ZNHIT3: variants seen among roughly 807,000 people sequenced by gnomAD.
The protein encoded by ZNHIT3 is zinc finger HIT-type containing 3, also known as zinc finger HIT domain-containing protein 3.
In ZNHIT3, 27 loss-of-function variants were observed where a neutral mutation model predicts 19.9. The observed-to-expected ratio is 1.36, with a 90% CI of 1.00 to 1.87. The LOEUF (loss-of-function observed/expected upper bound fraction) is 1.87. Among genes scored for constraint, ZNHIT3 ranks in the 40% most tolerant of loss-of-function variants. The probability of loss-of-function intolerance (pLI) is 0.00; values close to 1 mark genes in which losing one functional copy is unlikely to be tolerated. For synonymous variants in ZNHIT3, 81 were observed against 65.7 expected, an observed-to-expected ratio of 1.23 and a Z score of -1.13; for missense variants, 215 against 185.6, an observed-to-expected ratio of 1.16 and a Z score of -0.92.
In ZNHIT3 at chr17:36,495,275, G is replaced by A. The variant is rs1297354538; in HGVS notation, c.339G>A (p.Leu113=). ...TGCTCAATCCACACCTCAGGCAGTTGATGGTCAACCTCGATCAGGGAGAAG... is the reference window on the plus strand; with the variant it reads ...TGCTCAATCCACACCTCAGGCAGTTAATGGTCAACCTCGATCAGGGAGAAG... The part of the protein sequence containing the change: ...SLLLNPHLRQ[L]MVNLDQGEDK... The change falls in exon 5 of 5, where the codon TTG becomes TTA. Residue 113 remains leucine (L), a synonymous_variant. Transcript: ENST00000617429. The A allele has an allele frequency of 1.2e-6, 2 of 1,613,010 alleles. No individual in the cohort carries two copies. Among genetic ancestry groups the A allele is most frequent in the East Asian group, 4.5e-5 (2 of 44,856 alleles).
At chr17:36,499,195 T>C (rs1204600767), downstream of ZNHIT3, 5 of 1,535,298 alleles carry the variant, frequency 3.3e-6, no homozygotes, top group Non-Finnish European at 4.4e-6. Context: ...AAAGAGATAA[T>C]AAAGGGGCCA....
chr17:36,488,542 C>T (rs1249499898), intron 2 of ZNHIT3, among the ~76,000 whole-genome samples: 2 of 151,706 alleles, frequency 1.3e-5, no homozygotes, highest in African/African-American at 2.4e-5. Flanking sequence ...GAGACTCCAT[C>T]TAAAAAAAAA....
chr17:36,495,497 C>CTG lies in ZNHIT3; in HGVS notation c.*94_*95insGT. The CTG allele has an allele frequency of 7.0e-7, 1 of 1,420,616 alleles. No homozygotes were observed. The highest frequency in any genetic ancestry group is 9.2e-7 in the Non-Finnish European group (1 of 1,089,334). 88.0% of individuals were successfully genotyped at this position (1,420,616 alleles called of 1,614,324 possible). ...GACCAGCTAGTTTGGGGCTGGGGAG[C>CTG]TCAGGCAAAAGAGGTTTCCAGGATG... is the stretch of plus-strand genomic sequence containing the variant. On this transcript the variant is annotated 3_prime_UTR_variant, in exon 5 of 5. Coordinates refer to ENST00000617429, the MANE Select transcript of ZNHIT3 (RefSeq NM_004773.4).
At chr17:36,497,503 C>T (rs934468979), downstream of ZNHIT3, 4 of 983,356 alleles carry the variant, frequency 4.1e-6, no homozygotes, top group Middle Eastern at 1.0e-3. Flanking sequence ...ATTATTTGCT[C>T]TCAAGTCTTG....
At chr17:36,494,530 T>C (rs1324792928) in intron 4 of ZNHIT3, among the ~76,000 whole-genome samples, 2 of 152,210 alleles carry the variant, frequency 1.3e-5, no homozygotes, top group Non-Finnish European at 2.9e-5. Flanking sequence ...GCTTATTCAG[T>C]CCTTACAACA....
chr17:36,496,720 A>G (rs1047650506), downstream of ZNHIT3, among the ~76,000 whole-genome samples: 3 of 152,164 alleles, frequency 2.0e-5, no homozygotes, highest in Non-Finnish European at 2.9e-5. Context: ...TAAGGCCTAT[A>G]GTTATTCCTC....
At chr17:36,496,459 G>A, downstream of ZNHIT3, 1 of 1,576,138 alleles carries the variant, frequency 6.3e-7, no homozygotes, top group Non-Finnish European at 8.7e-7. Flanking sequence ...GAGTGCCAGG[G>A]CCTAACAACC....
At chr17:36,493,857 T>C (rs1021232928) in intron 3 of ZNHIT3, 69 bp from the exon 4 acceptor site, 8 of 1,042,098 alleles carry the variant, frequency 7.7e-6, no homozygotes, top group Admixed American at 1.8e-5. Context: ...CCTGTTCAAG[T>C]AGTGGTTAAA....
intron 2 of ZNHIT3, 110 bp downstream of exon 2, chr17:36,487,076 G>A (rs568530125): frequency 3.5e-6 from 5 of 1,427,590 alleles, no homozygotes; most frequent in East Asian, 2.5e-5. Flanking sequence ...TTCCCGCCTC[G>A]GGTCTCCGCG....
chr17:36,494,543 C>G (rs1231717032), intron 4 of ZNHIT3, among the ~76,000 whole-genome samples: 2 of 152,210 alleles, frequency 1.3e-5, no homozygotes, highest in Admixed American at 1.3e-4. Context: ...TTACAACATT[C>G]TGTTACATGT....
chr17:36,488,384 A>G (rs1458843756), intron 2 of ZNHIT3, among the ~76,000 whole-genome samples: 1 of 151,930 alleles, frequency 6.6e-6, no homozygotes, highest in African/African-American at 2.4e-5. Flanking sequence ...ATCTCTACTA[A>G]AAATACAAAA....
chr17:36,493,392 C>CA (rs1471134643), intron 3 of ZNHIT3: 1 of 174,026 alleles, frequency 5.7e-6, no homozygotes, highest in East Asian at 1.7e-4. Flanking sequence ...AGCACCATGC[C>CA]AGGCTCTGAA....
At chr17:36,498,206 T>A, downstream of ZNHIT3, 1 of 1,550,798 alleles carries the variant, frequency 6.4e-7, no homozygotes, top group Non-Finnish European at 8.7e-7. Flanking sequence ...TGTGAACTTG[T>A]AGGCTTTGCT....
At chr17:36,498,693 C>T, downstream of ZNHIT3, 2 of 1,040,216 alleles carry the variant, frequency 1.9e-6, no homozygotes, top group South Asian at 1.7e-5. Flanking sequence ...CAGCTGGCTG[C>T]CCTGAACCAA....
intron 4 of ZNHIT3, among the ~76,000 whole-genome samples, chr17:36,494,300 A>G (rs891953050): frequency 6.6e-6 from 1 of 152,152 alleles, no homozygotes; most frequent in Non-Finnish European, 1.5e-5. Context: ...TGTCTCTTTC[A>G]GAATTAGGCA....
chr17:36,498,510 T>C (rs759422518), downstream of ZNHIT3: 1 of 1,613,892 alleles, frequency 6.2e-7, no homozygotes, highest in Non-Finnish European at 8.5e-7. Context: ...AGAGAAGTGT[T>C]TTTCTTCCAC....
chr17:36,491,096 T>C (rs1466302847), intron 2 of ZNHIT3: 1 of 151,980 alleles, frequency 6.6e-6, no homozygotes, highest in Non-Finnish European at 1.5e-5. Context: ...AGCGTTGGGA[T>C]TACAGACGTG....
downstream of ZNHIT3, chr17:36,496,260 C>T: frequency 6.2e-7 from 1 of 1,613,962 alleles, no homozygotes; most frequent in Non-Finnish European, 8.5e-7. Flanking sequence ...ATCACCCCAG[C>T]CCAGTGAAGG....
downstream of ZNHIT3, chr17:36,496,423 G>A (rs748987650): frequency 2.2e-5 from 36 of 1,613,368 alleles, 1 homozygote; most frequent in South Asian, 4.0e-4. Flanking sequence ...GGGAGAGAGA[G>A]ATGCAGCTTT....
Sources: allele counts gnomAD v4.1 joint callset (sites outside exome capture counted in the v4.1 genomes callset), GRCh38; gene constraint gnomAD v4.1.1; transcripts MANE v1.5; gene names NCBI Gene and HGNC (gene_info 2026-07-23, HGNC 2026-07-21).